NFASC: variants seen among roughly 807,000 people sequenced by gnomAD.
NFASC encodes the protein neurofascin.
In NFASC, 43 loss-of-function variants were observed where a neutral mutation model predicts 147.5. The ratio of observed to expected loss-of-function variants is 0.29; its 90% CI spans 0.23 to 0.38. The LOEUF (loss-of-function observed/expected upper bound fraction) is 0.38, where lower values mean the gene tolerates loss of function less well. Among genes scored for constraint, NFASC ranks in the 10% least tolerant of loss-of-function variants. The pLI is 1.00. For synonymous variants in NFASC, 622 were observed against 665.5 expected (o/e 0.93, Z 1.01); for missense variants, 1,320 against 1,689.0 (o/e 0.78, Z 3.83).
chr1:204,957,408 C>T (rs2094479546), intron 7 of NFASC, among the ~76,000 whole-genome samples: 1 of 152,210 alleles, frequency 6.6e-6, no homozygotes, highest in African/African-American at 2.4e-5. Context: ...ACATGGTGGG[C>T]AGGCAGGTCT....
chr1:204,831,534 G>A (rs1416671113), intron 1 of NFASC, among the ~76,000 whole-genome samples: 2 of 151,834 alleles, frequency 1.3e-5, no homozygotes, highest in African/African-American at 2.4e-5. Flanking sequence ...TCCTACCTCT[G>A]GCTCCACTCT....
Position 204,968,739 on chromosome 1 carries a change from A to G in NFASC, c.819-59A>G. 1 of 1,517,958 alleles carries G rather than the reference A, an allele frequency of 6.6e-7. No individual in the cohort carries two copies. Among genetic ancestry groups the G allele is most frequent in the Non-Finnish European group, 8.9e-7 (1 of 1,117,384 alleles). The allele number at this position is 1,517,958 out of a possible 1,614,324, so 94.0% of individuals were successfully genotyped here. On this transcript the variant is annotated intron_variant, in intron 9 of 29. Transcript: ENST00000339876. This position sits in a 1 kb window ranked among gnomAD's most constrained non-coding sequence, Gnocchi z 5.4. Reference sequence around the variant, plus strand: ...GCCACCTGGGTGTCCCCAGCTGTATAGAAGAGGAGAAAGGCCACGTTTAGT... The same window carrying G: ...GCCACCTGGGTGTCCCCAGCTGTATGGAAGAGGAGAAAGGCCACGTTTAGT...
intron 1 of NFASC, among the ~76,000 whole-genome samples, chr1:204,852,755 C>T (rs1001744514): frequency 1.3e-5 from 2 of 152,232 alleles, no homozygotes; most frequent in African/African-American, 4.8e-5. Flanking sequence ...AGCTCAGGGC[C>T]TGGTCCTGGG....
chr1:205,016,760 G>A lies in NFASC; in HGVS notation c.*221G>A. ...CGGGTGCCACCAGTGTGGGAGAGCTGGAGCCGTGGCTGAGCTCAGCTGGAG... is the reference window on the plus strand; with the variant it reads ...CGGGTGCCACCAGTGTGGGAGAGCTAGAGCCGTGGCTGAGCTCAGCTGGAG... On this transcript the variant is annotated 3_prime_UTR_variant, in exon 30 of 30. Coordinates refer to ENST00000339876, the MANE Select transcript of NFASC (RefSeq NM_001005388.3). The surrounding 1 kb of genome is among the most constrained non-coding windows in gnomAD (Gnocchi z 5.1). 1.6e-6 allele frequency: 1 copy of A among 615,342 alleles called. No homozygotes were observed. Among genetic ancestry groups the A allele is most frequent in the Non-Finnish European group, 3.0e-6 (1 of 334,556 alleles). 38.1% of individuals were successfully genotyped at this position (615,342 alleles called of 1,614,324 possible). A position where few individuals can be genotyped will look rare whatever the true frequency, so the allele number is the denominator to read the frequency against.
At chr1:204,946,067 C>T (rs556742256) in intron 3 of NFASC, among the ~76,000 whole-genome samples, 1 of 152,214 alleles carries the variant, frequency 6.6e-6, no homozygotes, top group South Asian at 2.1e-4. Context: ...CAGTCAGGCT[C>T]TCCAAAGCCC....
chr1:204,869,966 A>G (rs1044264061), intron 1 of NFASC, among the ~76,000 whole-genome samples: 4 of 152,228 alleles, frequency 2.6e-5, no homozygotes, highest in African/African-American at 4.8e-5. Flanking sequence ...GAATTTATGC[A>G]ATGAAGGGTA....
At chr1:204,927,053 T>C (rs148540340) in intron 2 of NFASC, among the ~76,000 whole-genome samples, 1,765 of 152,206 alleles carry the variant, frequency 0.012, 35 homozygotes, top group African/African-American at 0.03. Flanking sequence ...CTGGCCTGGA[T>C]GACAGAGGGA....
intron 17 of NFASC, 74 bp downstream of exon 17, chr1:204,977,799 A>G (rs998820118): frequency 4.2e-6 from 6 of 1,440,302 alleles, no homozygotes; most frequent in Non-Finnish European, 4.8e-6. Flanking sequence ...GGGAGAAGGA[A>G]GCCACTTTGG....
At chr1:204,904,196 C>A (rs1294837914) in intron 1 of NFASC, among the ~76,000 whole-genome samples, 3 of 152,200 alleles carry the variant, frequency 2.0e-5, no homozygotes, top group African/African-American at 7.2e-5. Flanking sequence ...CTCCCAGCCT[C>A]AGGTGATCCT....
rs139122493 is a variant in NFASC, at chr1:204,891,397, G to T, written c.-199-29235G>T. 1.4e-4 allele frequency among the ~76,000 whole-genome samples: 21 copies of T among 152,200 alleles called. No homozygotes were observed. In the East Asian group the frequency reaches 3.9e-3, roughly 28 times the overall value. ...CCACTGGTCAAAGTTTCAAACCATG[G>T]GTCATTAATTCCCCTGAATTTCTGG... On this transcript the variant is annotated intron_variant, in intron 1 of 29. Transcript: ENST00000339876.
chr1:204,854,612 G>T (rs537786782), intron 1 of NFASC, among the ~76,000 whole-genome samples: 5 of 152,296 alleles, frequency 3.3e-5, no homozygotes, highest in East Asian at 1.9e-4. Flanking sequence ...CTCTCAAGCT[G>T]GTTAGCCCTC....
intron 24 of NFASC, among the ~76,000 whole-genome samples, chr1:204,994,229 G>A (rs1156614735): frequency 2.0e-5 from 3 of 152,186 alleles, no homozygotes; most frequent in Non-Finnish European, 4.4e-5. Context: ...CAGACAGGAA[G>A]CAGCTAGGTA....
At chr1:204,888,462 AG>A (rs1382779373) in intron 1 of NFASC, among the ~76,000 whole-genome samples, 1 of 152,206 alleles carries the variant, frequency 6.6e-6, no homozygotes, top group Admixed American at 6.5e-5. Context: ...GAGAACAAAA[AG>A]CAGATTGGTC....
rs190108973 is a variant in NFASC at position 204,947,961 on chromosome 1, C to T, written c.92-2596C>T. 7.9e-5 allele frequency among the ~76,000 whole-genome samples: 12 copies of T among 152,198 alleles called. No homozygotes were observed. In the East Asian group the frequency reaches 2.3e-3, roughly 30 times the overall value. On this transcript the variant is annotated intron_variant, in intron 3 of 29. Coordinates refer to ENST00000339876, the MANE Select transcript of NFASC (RefSeq NM_001005388.3). ...ACCCTCACATATCCTCACATGCTCA[C>T]ACTCATGCACACTCACACGTGCCCT...
intron 1 of NFASC, among the ~76,000 whole-genome samples, chr1:204,857,717 A>G (rs1158122744): frequency 1.3e-5 from 2 of 152,152 alleles, no homozygotes; most frequent in African/African-American, 4.8e-5. Flanking sequence ...CTGACAAAAC[A>G]AAGTACCACA....
chr1:204,876,717 C>T (rs1490460743), intron 1 of NFASC, among the ~76,000 whole-genome samples: 1 of 152,004 alleles, frequency 6.6e-6, no homozygotes, highest in East Asian at 1.9e-4. Context: ...GCTTTTGTGT[C>T]TGGCTTATCT....
In NFASC at chr1:204,881,144, A is replaced by G. The variant is rs76328723; in HGVS notation, c.-199-39488A>G. On this transcript the variant is annotated intron_variant, in intron 1 of 29. Transcript: ENST00000339876. Reference sequence around the variant, plus strand: ...GGGTAGTGTCGCTGTGTTCCCCACAATGGTGCCTCAGCATGGCAGGCAGGG... The same window carrying G: ...GGGTAGTGTCGCTGTGTTCCCCACAGTGGTGCCTCAGCATGGCAGGCAGGG... 1.3e-3 allele frequency among the ~76,000 whole-genome samples: 201 copies of G among 152,270 alleles called. 2 individuals carry two copies. Among genetic ancestry groups the G allele is most frequent in the African/African-American group, 4.5e-3 (186 of 41,554 alleles).
chr1:204,888,866 T>C (rs1051815552), intron 1 of NFASC, among the ~76,000 whole-genome samples: 24 of 152,186 alleles, frequency 1.6e-4, no homozygotes, highest in African/African-American at 5.8e-4. Flanking sequence ...TCCAGCAGTC[T>C]GGGGATCCAC....
At chr1:204,988,910 G>A (rs1464059080) in intron 23 of NFASC, 104 bp downstream of exon 23, 14 of 1,141,528 alleles carry the variant, frequency 1.2e-5, no homozygotes, top group Non-Finnish European at 1.6e-5. Flanking sequence ...GAGAGGAAAT[G>A]AGACTTGCAA....
Sources: gnomAD v4.1 joint callset for allele counts (sites outside exome capture counted in the v4.1 genomes callset) on GRCh38, gnomAD v4.1.1 for gene constraint, Gnocchi (gnomAD v3.1) non-coding constraint, MANE v1.5 for transcripts, NCBI Gene and HGNC (gene_info 2026-07-23, HGNC 2026-07-21) for gene names.